The following SEL1L2 variants were observed in gnomAD, a reference collection of about 807,000 sequenced individuals.
SEL1L2 encodes the protein protein sel-1 homolog 2.
A neutral mutation model predicts 98.8 loss-of-function variants in SEL1L2; 89 were observed. The ratio of observed to expected loss-of-function variants is 0.90; its 90% CI spans 0.76 to 1.07. The LOEUF (loss-of-function observed/expected upper bound fraction) is 1.07. SEL1L2 is among the 50% of genes least tolerant of loss of function. The pLI is 0.00. For missense variants in SEL1L2, 788 were observed against 812.0 expected, an observed-to-expected ratio of 0.97 and a Z score of 0.36; for synonymous variants, 262 against 278.5, an observed-to-expected ratio of 0.94 and a Z score of 0.59.
At chr20:13,910,444 T>C (rs1037140592) in intron 5 of SEL1L2, among the ~76,000 whole-genome samples, 1 of 152,142 alleles carries the variant, frequency 6.6e-6, no homozygotes, top group Non-Finnish European at 1.5e-5. Context: ...TCAGAGATAC[T>C]AAAAGAATGA....
At chr20:13,912,350 T>C (rs1333053831) in intron 5 of SEL1L2, among the ~76,000 whole-genome samples, 2 of 145,364 alleles carry the variant, frequency 1.4e-5, no homozygotes, top group East Asian at 2.1e-4. Context: ...CACGTTGGAG[T>C]GCAGTGGCAC....
At chr20:13,936,953 A>T (rs2049483005) in intron 2 of SEL1L2, among the ~76,000 whole-genome samples, 1 of 152,216 alleles carries the variant, frequency 6.6e-6, no homozygotes, top group Non-Finnish European at 1.5e-5. Context: ...GATTCCTCAC[A>T]GTCTGACCTA....
At chr20:13,931,860 G>C in intron 2 of SEL1L2, 89 bp from the exon 3 acceptor site, 2 of 1,111,398 alleles carry the variant, frequency 1.8e-6, no homozygotes, top group South Asian at 3.7e-5. Context: ...ATATATTCAT[G>C]GCAAAAATAC....
intron 1 of SEL1L2, among the ~76,000 whole-genome samples, chr20:13,983,289 T>A (rs948538219): frequency 6.6e-6 from 1 of 151,856 alleles, no homozygotes; most frequent in African/African-American, 2.4e-5. Context: ...TCCCCCTCAA[T>A]AATTTTATAT....
chr20:13,921,256 T>A (rs900942542), intron 3 of SEL1L2, among the ~76,000 whole-genome samples: 1 of 152,204 alleles, frequency 6.6e-6, no homozygotes, highest in African/African-American at 2.4e-5. Flanking sequence ...CACTGCAACC[T>A]CCACCTCCTG....
intron 5 of SEL1L2, among the ~76,000 whole-genome samples, chr20:13,893,751 C>T (rs2047307242): frequency 6.6e-6 from 1 of 152,168 alleles, no homozygotes; most frequent in African/African-American, 2.4e-5. Flanking sequence ...CGCACAAAAA[C>T]AGTCTCCAAG....
At chr20:13,958,613 A>C in intron 1 of SEL1L2, among the ~76,000 whole-genome samples, 1 of 152,138 alleles carries the variant, frequency 6.6e-6, no homozygotes, top group East Asian at 1.9e-4. Context: ...ACTGCTAACG[A>C]ACGCACAGTG....
At position 13,913,919 on chromosome 20, in the gene SEL1L2, C is replaced by T. The variant is rs2048301380; in HGVS notation, c.412G>A (p.Ala138Thr). The change falls in exon 5 of 20, where the codon GCT becomes ACT. Residue 138 changes from alanine to threonine, a missense_variant. Transcript: ENST00000284951. Reference sequence around the variant, plus strand: ...ATAGCTTTCAAGTTTCCCATGTCAGCTGCTTTGGCAAAAAGTAGGTAGGCT... The same window carrying T: ...ATAGCTTTCAAGTTTCCCATGTCAGTTGCTTTGGCAAAAAGTAGGTAGGCT... The part of the protein sequence containing the change: ...EEAYLLFAKA[A>T]DMGNLKAMEK... 1 of 1,561,194 alleles carries T rather than the reference C, an allele frequency of 6.4e-7. No individual in the cohort carries two copies.
At chr20:13,902,484 G>A (rs1190046070) in intron 5 of SEL1L2, among the ~76,000 whole-genome samples, 2 of 152,230 alleles carry the variant, frequency 1.3e-5, no homozygotes, top group Admixed American at 1.3e-4. Flanking sequence ...AATGATTTTA[G>A]ATGTTTCAGT....
chr20:13,855,535 A>C (rs1210830072), intron 18 of SEL1L2, among the ~76,000 whole-genome samples: 1 of 152,184 alleles, frequency 6.6e-6, no homozygotes, highest in African/African-American at 2.4e-5. Flanking sequence ...ATCTGTAACA[A>C]ATCCCCAAAT....
intron 10 of SEL1L2, among the ~76,000 whole-genome samples, chr20:13,878,836 T>A (rs2046558823): frequency 6.6e-6 from 1 of 152,170 alleles, no homozygotes; most frequent in African/African-American, 2.4e-5. Context: ...ATTTGCTCCC[T>A]AGCAATGTTC....
chr20:13,851,788 T>G (rs935514503), intron 18 of SEL1L2, among the ~76,000 whole-genome samples: 3 of 152,176 alleles, frequency 2.0e-5, no homozygotes, highest in Non-Finnish European at 4.4e-5. Flanking sequence ...AATATCTGTC[T>G]TTCTTGCTCC....
Position 13,865,158 on chromosome 20 carries a change from G to T in SEL1L2, c.1645+9C>A. ...CGGGTATGTGCTTATTTTTATCTGGGTTCCATACCTTGAATGGCAGCTCGA... is the reference window on the plus strand; with the variant it reads ...CGGGTATGTGCTTATTTTTATCTGGTTTCCATACCTTGAATGGCAGCTCGA... On this transcript the variant is annotated intron_variant, in intron 17 of 19. Coordinates refer to ENST00000284951, the MANE Select transcript of SEL1L2 (RefSeq NM_025229.2). 6.2e-7 allele frequency: 1 copy of T among 1,607,202 alleles called. No individual in the cohort carries two copies.
In SEL1L2 at chr20:13,945,512, A is replaced by G. The variant is rs963667671; in HGVS notation, c.114+10564T>C. 6.6e-5 allele frequency among the ~76,000 whole-genome samples: 10 copies of G among 151,330 alleles called. 1 individual carries two copies. Among genetic ancestry groups the G allele is most frequent in the Admixed American group, 6.6e-4 (10 of 15,198 alleles). On this transcript the variant is annotated intron_variant, in intron 2 of 19. Coordinates refer to ENST00000284951, the MANE Select transcript of SEL1L2 (RefSeq NM_025229.2). ...TATATATATATATATTTACATTTCTAAAAGTTTTTTAAGACTTTGAATTCT... is the reference window on the plus strand; with the variant it reads ...TATATATATATATATTTACATTTCTGAAAGTTTTTTAAGACTTTGAATTCT...
At chr20:13,901,749 C>A (rs928096372) in intron 5 of SEL1L2, among the ~76,000 whole-genome samples, 1 of 151,586 alleles carries the variant, frequency 6.6e-6, no homozygotes, top group Non-Finnish European at 1.5e-5. Context: ...GCAAGCTCTG[C>A]CTCCCAGGTT....
At chr20:13,896,176 AAAAC>A (rs1393584130) in intron 5 of SEL1L2, among the ~76,000 whole-genome samples, 2 of 152,184 alleles carry the variant, frequency 1.3e-5, no homozygotes, top group South Asian at 2.1e-4. Context: ...CCCCATCTCA[AAAAC>A]AAACAAACAG....
intron 2 of SEL1L2, among the ~76,000 whole-genome samples, chr20:13,943,332 A>G (rs2049864757): frequency 6.6e-6 from 1 of 152,226 alleles, no homozygotes; most frequent in Non-Finnish European, 1.5e-5. Context: ...GCTTTCTGAA[A>G]TTCAGAGAAC....
intron 8 of SEL1L2, among the ~76,000 whole-genome samples, chr20:13,887,179 A>T (rs1169394405): frequency 1.3e-5 from 2 of 152,330 alleles, no homozygotes; most frequent in East Asian, 3.9e-4. Flanking sequence ...TGCAGTTTGA[A>T]ATATATATAG....
rs1238147478 is a variant in SEL1L2 at position 13,886,169 on chromosome 20, C to T, written c.900+119G>A. The T allele has an allele frequency of 3.8e-5, 22 of 584,218 alleles. No individual in the cohort carries two copies. The South Asian group carries it at 4.3e-4, about 11-fold the overall frequency. The allele number at this position is 584,218 out of a possible 1,614,324, so 36.2% of individuals were successfully genotyped here. ...ACAGGAGTAGGGTGAGAGAGGAGGG[C>T]GGGTCTCCCCCCATTCCTATTTAGG... On this transcript the variant is annotated intron_variant, in intron 9 of 19. Coordinates refer to ENST00000284951, the MANE Select transcript of SEL1L2 (RefSeq NM_025229.2).
Sources: allele counts gnomAD v4.1 joint callset (sites outside exome capture counted in the v4.1 genomes callset), GRCh38; gene constraint gnomAD v4.1.1; transcripts MANE v1.5; gene names NCBI Gene and HGNC (gene_info 2026-07-23, HGNC 2026-07-21).